Variants in RASGRF1 observed in about 807,000 individuals in gnomAD.
RASGRF1 encodes ras-specific guanine nucleotide-releasing factor 1.
RASGRF1 carries 40 observed loss-of-function variants against 138.7 expected under a neutral mutation model. The observed-to-expected ratio is 0.29, with a 90% confidence interval of 0.22 to 0.38. RASGRF1 has a LOEUF of 0.38. RASGRF1 is among the 10% of genes least tolerant of loss of function. The pLI is 1.00. For synonymous variants in RASGRF1, 614 were observed against 663.2 expected (o/e 0.93, Z 1.14); for missense variants, 1,108 against 1,650.4 (o/e 0.67, Z 5.69).
In RASGRF1 at chr15:79,090,298, C is replaced by T; in HGVS notation, c.201G>A (p.Leu67=). 6.2e-7 allele frequency: 1 copy of T among 1,613,458 alleles called. No homozygotes were observed. Among genetic ancestry groups the T allele is most frequent in the South Asian group, 1.1e-5 (1 of 91,078 alleles). ...DSSSRPSGLY[L]LEGCVCDRAP... is the part of the protein sequence containing the mutation. ...CGCGGTCGCAGACGCAGCCCTCCAG[C>T]AGGTAAAGCCCCGAGGGCCGCGAGC... The change falls in exon 1 of 27, where the codon CTG becomes CTA. Residue 67 remains leucine (L), a synonymous_variant. Coordinates refer to ENST00000558480, the MANE Select transcript of RASGRF1 (RefSeq NM_001145648.3).
In RASGRF1 at chr15:79,090,274, G is replaced by C. The variant is rs146718030; in HGVS notation, c.225C>G (p.Arg75=). The C allele has an allele frequency of 6.2e-7, 1 of 1,611,446 alleles. No homozygotes were observed. ...LYLLEGCVCD[R]APSPKPALSA... ...ACAGCGCCGGCTTGGGGGAGGGCGC[G>C]CGGTCGCAGACGCAGCCCTCCAGCA... Residue 75 remains arginine (R), a synonymous_variant, in exon 1 of 27, where the codon CGC becomes CGG. Transcript: ENST00000558480.
chr15:79,034,916 G>A (rs1281637794), intron 6 of RASGRF1, among the ~76,000 whole-genome samples: 1 of 152,204 alleles, frequency 6.6e-6, no homozygotes, highest in Non-Finnish European at 1.5e-5. Context: ...TTTATAAAAG[G>A]GGAAAGTGGA....
chr15:78,994,712 G>T (rs919157395), intron 20 of RASGRF1, among the ~76,000 whole-genome samples: 1 of 152,130 alleles, frequency 6.6e-6, no homozygotes, highest in African/African-American at 2.4e-5. Context: ...GCTTGGATTT[G>T]TTCATGGTGA....
chr15:79,057,919 T>C (rs2057532165), intron 3 of RASGRF1, among the ~76,000 whole-genome samples: 1 of 152,220 alleles, frequency 6.6e-6, no homozygotes, highest in Non-Finnish European at 1.5e-5. Context: ...TCTAATGACC[T>C]ACCAGTGACC....
intron 23 of RASGRF1, chr15:78,981,144 C>CA (rs1304540175): frequency 2.0e-5 from 3 of 153,064 alleles, no homozygotes; most frequent in African/African-American, 7.2e-5. Flanking sequence ...AGAAATGCCA[C>CA]CCAAATTTAA....
chr15:79,012,440 C>T (rs1200634374), intron 13 of RASGRF1: 1 of 1,011,264 alleles, frequency 9.9e-7, no homozygotes, highest in South Asian at 1.5e-5. Context: ...CTCTCTATGT[C>T]TCTCTCTCTC....
chr15:79,007,336 G>A lies in RASGRF1; in HGVS notation c.1827-902C>T, dbSNP rs1371855273. Among the ~76,000 whole-genome samples, 9 of 152,292 alleles carry A rather than the reference G, an allele frequency of 5.9e-5. No homozygotes were observed. The East Asian group carries it at 1.3e-3, about 23-fold the overall frequency. On this transcript the variant is annotated intron_variant, in intron 13 of 26. Transcript: ENST00000558480. ...CTCTGGTGCTTACGCCACTGGAATC[G>A]TCTTTTATTGGTCATCCAATGGGAG...
chr15:79,010,375 G>A (rs762339082), intron 13 of RASGRF1, among the ~76,000 whole-genome samples: 6 of 152,234 alleles, frequency 3.9e-5, no homozygotes, highest in Non-Finnish European at 7.4e-5. Context: ...CTGCACTTCA[G>A]CTTCCCTGTC....
chr15:78,986,860 G>A (rs1248471157), intron 22 of RASGRF1, among the ~76,000 whole-genome samples: 1 of 152,092 alleles, frequency 6.6e-6, no homozygotes, highest in East Asian at 1.9e-4. Context: ...AATCAGGAAG[G>A]ATAATAACAC....
intron 5 of RASGRF1, among the ~76,000 whole-genome samples, chr15:79,035,616 C>A (rs2016133): frequency 0.26 from 38,822 of 152,182 alleles, 5,811 homozygotes; most frequent in East Asian, 0.5. Flanking sequence ...CTCTGGCAAA[C>A]ACGAGTAAAA....
Position 79,015,704 on chromosome 15 carries a change from C to T in RASGRF1, c.1744-295G>A, listed in dbSNP as rs140955977. ...TCACTGGGTTGATTACAAACAACCACTGGGATGCAAAATGAATGCATCTGA... is the reference window on the plus strand; with the variant it reads ...TCACTGGGTTGATTACAAACAACCATTGGGATGCAAAATGAATGCATCTGA... On this transcript the variant is annotated intron_variant, in intron 12 of 26. Coordinates refer to ENST00000558480, the MANE Select transcript of RASGRF1 (RefSeq NM_001145648.3). Among the ~76,000 whole-genome samples the T allele has an allele frequency of 4.2e-3, 647 of 152,336 alleles. 7 individuals carry two copies. Among genetic ancestry groups the T allele is most frequent in the African/African-American group, 0.014 (564 of 41,572 alleles).
rs1251237033 is a variant in RASGRF1 at position 78,980,714 on chromosome 15, A to G, written c.3415-15T>C. The G allele has an allele frequency of 6.3e-7, 1 of 1,576,004 alleles. No homozygotes were observed. Among genetic ancestry groups the G allele is most frequent in the Non-Finnish European group, 8.7e-7 (1 of 1,147,932 alleles). On this transcript the variant is annotated splice_polypyrimidine_tract_variant and intron_variant, in intron 23 of 26. Transcript: ENST00000558480. ...AAAGCTTTAGTCTAGAAGGAAGCAG[A>G]AGCATTTACTAACACACAGCACACG...
intron 9 of RASGRF1, among the ~76,000 whole-genome samples, chr15:79,026,174 C>G (rs1184963114): frequency 6.6e-6 from 1 of 152,214 alleles, no homozygotes; most frequent in Non-Finnish European, 1.5e-5. Context: ...CAGCTCCTCA[C>G]TGTTCCCAGG....
rs1595891285 is a variant in RASGRF1 at position 79,003,909 on chromosome 15, A to G, written c.2342T>C (p.Leu781Pro). ...SAMSPFSKAT[L>P]DTSKLYVSSS... ...GGACACATAGAGCTTGCTGGTGTCC[A>G]GCGTGGCCTTGCTGAAGGGTGACAT... Residue 781 changes from leucine to proline, a missense_variant, in exon 15 of 27, where the codon CTG (leucine) becomes CCG (proline). This residue lies in a region of RASGRF1 where 686 missense variants were observed against 976.7 expected (regional missense o/e 0.70). Coordinates refer to ENST00000558480, the MANE Select transcript of RASGRF1 (RefSeq NM_001145648.3). 6.2e-7 allele frequency: 1 copy of G among 1,614,140 alleles called. No individual in the cohort carries two copies. Among genetic ancestry groups the G allele is most frequent in the Non-Finnish European group, 8.5e-7 (1 of 1,180,026 alleles).
intron 8 of RASGRF1, 61 bp downstream of exon 8, chr15:79,031,339 G>A (rs2057133594): frequency 7.6e-7 from 1 of 1,322,452 alleles, no homozygotes; most frequent in East Asian, 2.5e-5. Flanking sequence ...AACTCCTGGT[G>A]AGGGGCACCC....
chr15:78,968,262 G>C (rs11637529), intron 26 of RASGRF1, among the ~76,000 whole-genome samples: 5 of 112,964 alleles, frequency 4.4e-5, no homozygotes, highest in Admixed American at 9.3e-5. Flanking sequence ...GTGTGTGTGT[G>C]TGTGTGTGTG....
intron 1 of RASGRF1, among the ~76,000 whole-genome samples, chr15:79,074,664 C>A (rs984138473): frequency 2.0e-5 from 3 of 152,226 alleles, no homozygotes; most frequent in African/African-American, 7.2e-5. Flanking sequence ...TTCACAGAAC[C>A]ATCGCTGGGG....
intron 12 of RASGRF1, 107 bp from the exon 13 acceptor site, chr15:79,015,516 G>A: frequency 1.0e-6 from 1 of 1,003,010 alleles, no homozygotes; most frequent in Non-Finnish European, 1.5e-6. Context: ...CTGATACAGG[G>A]TCCTCAAGCT....
Position 78,981,033 on chromosome 15 carries a change from G to A in RASGRF1, c.3415-334C>T, listed in dbSNP as rs148225921. The A allele has an allele frequency of 1.4e-3, 307 of 211,914 alleles. 3 individuals are homozygous for A. Among genetic ancestry groups the A allele is most frequent in the African/African-American group, 6.5e-3 (288 of 44,166 alleles). The allele number at this position is 211,914 out of a possible 1,614,324, so 13.1% of individuals were successfully genotyped here. On this transcript the variant is annotated intron_variant, in intron 23 of 26. Coordinates refer to ENST00000558480, the MANE Select transcript of RASGRF1 (RefSeq NM_001145648.3). ...TAGTGGGTGACTCCCAGGAGCCTGC[G>A]CTCAGAGCAGGAAATGGCAGATTTT...
Sources: allele counts gnomAD v4.1 joint callset (sites outside exome capture counted in the v4.1 genomes callset), GRCh38; gene constraint gnomAD v4.1.1; regional missense constraint gnomAD v4.1.1; transcripts MANE v1.5; gene names NCBI Gene and HGNC (gene_info 2026-07-23, HGNC 2026-07-21).